The following HNRNPU variants were observed in gnomAD, a reference collection of about 807,000 sequenced individuals.
HNRNPU encodes the protein HNRNPU antisense RNA 1.
In HNRNPU, 5 loss-of-function variants were observed where a neutral mutation model predicts 94.7. The ratio of observed to expected loss-of-function variants is 0.05; its 90% CI spans 0.03 to 0.11. The LOEUF (loss-of-function observed/expected upper bound fraction) is 0.11, where lower values mean the gene tolerates loss of function less well. Among genes scored for constraint, HNRNPU ranks in the 10% least tolerant of loss-of-function variants. HNRNPU has a pLI of 1.00. For missense variants in HNRNPU, 710 were observed against 1,049.2 expected, an observed-to-expected ratio of 0.68 and a Z score of 4.47; for synonymous variants, 434 against 381.6, an observed-to-expected ratio of 1.14 and a Z score of -1.60.
chr1:244,864,272 C>T lies in HNRNPU; in HGVS notation c.36G>A (p.Lys12=), dbSNP rs1048126591. Residue 12 remains lysine (K), a synonymous_variant, in exon 1 of 14, where the codon AAG becomes AAA. Transcript: ENST00000640218. ...SSSPVNVKKL[K]VSELKEELKK... is the part of the protein sequence containing the mutation. The stretch of plus-strand genomic sequence containing the variant: ...TGAGCTCCTCTTTCAGCTCCGACAC[C>T]TTCAGCTTTTTTACATTAACAGGCG... The T allele has an allele frequency of 4.3e-6, 7 of 1,613,196 alleles. No homozygotes were observed. Among genetic ancestry groups the T allele is most frequent in the South Asian group, 1.1e-5 (1 of 91,086 alleles).
At chr1:244,859,005 T>TA in intron 5 of HNRNPU, 164 bp from the exon 6 acceptor site, 1 of 596,762 alleles carries the variant, frequency 1.7e-6, no homozygotes, top group South Asian at 2.2e-5. Flanking sequence ...TGATGGAAGT[T>TA]AGGAGGGATA....
Position 244,863,395 on chromosome 1 carries a change from G to GACACAC in HNRNPU, c.691+216_691+221dup, listed in dbSNP as rs1177980110. On this transcript the variant is annotated intron_variant, in intron 1 of 13. Coordinates refer to ENST00000640218, the MANE Select transcript of HNRNPU (RefSeq NM_031844.3). ...ACATAATGGAGGCGCTGCCACCGCCGACACACACACACACACACACACACA... is the reference window on the plus strand; with the variant it reads ...ACATAATGGAGGCGCTGCCACCGCCGACACACACACACACACACACACACACACACA... 1.4e-3 allele frequency among the ~76,000 whole-genome samples: 193 copies of GACACAC among 138,718 alleles called. No individual in the cohort carries two copies. In the East Asian group the frequency reaches 0.014, roughly 10 times the overall value. The allele number at this position is 138,718 out of a possible 152,430, so 91.0% of individuals were successfully genotyped here. A position where few individuals can be genotyped will look rare whatever the true frequency, so the allele number is the denominator to read the frequency against.
Position 244,864,539 on chromosome 1 carries a change from T to G in HNRNPU, c.-232A>C, listed in dbSNP as rs965097976. The G allele has an allele frequency of 1.7e-6, 1 of 602,242 alleles. No individual in the cohort carries two copies. Among genetic ancestry groups the G allele is most frequent in the Non-Finnish European group, 2.7e-6 (1 of 375,224 alleles). 37.3% of individuals were successfully genotyped at this position (602,242 alleles called of 1,614,324 possible). On this transcript the variant is annotated 5_prime_UTR_variant, in exon 1 of 14. Coordinates refer to ENST00000640218, the MANE Select transcript of HNRNPU (RefSeq NM_031844.3). ...GCCTGGCGCGAGCGAGCACGCAACG[T>G]CCTCTCGCAGGAGCGGCGCCGCGCA...
chr1:244,862,041 T>C (rs567518452), intron 3 of HNRNPU: 176 of 157,942 alleles, frequency 1.1e-3, no homozygotes, highest in African/African-American at 4.1e-3. Context: ...GGGAATATAC[T>C]TGTGTGCTAA....
Position 244,855,498 on chromosome 1 carries a change from G to A in HNRNPU, c.2278C>T (p.Pro760Ser). Reference protein sequence around the residue: ...GYPYPRAPVFPGRGSYSNRGN... With the variant: ...GYPYPRAPVFSGRGSYSNRGN... ...CTGTTTGAGTAACTACCACGGCCAGGAAAAACAGGGGCACGAGGGTATGGA... is the reference window on the plus strand; with the variant it reads ...CTGTTTGAGTAACTACCACGGCCAGAAAAAACAGGGGCACGAGGGTATGGA... Residue 760 changes from proline to serine, a missense_variant, in exon 12 of 14, where the codon CCT (proline) becomes TCT (serine). Physicochemically the swap from Pro to Ser is moderately conservative, Grantham distance 74. Transcript: ENST00000640218. The A allele has an allele frequency of 1.2e-6, 2 of 1,613,992 alleles. No homozygotes were observed. The highest frequency in any genetic ancestry group is 1.7e-6 in the Non-Finnish European group (2 of 1,179,968).
chr1:244,860,210 A>T lies in HNRNPU; in HGVS notation c.1017+125T>A, dbSNP rs752478943. On this transcript the variant is annotated intron_variant, in intron 4 of 13. Transcript: ENST00000640218. ...AGCTACTTGAGAGACTGAAGCAAGGAGAATCGCTTGAACCCAGGACGCGGA... is the reference window on the plus strand; with the variant it reads ...AGCTACTTGAGAGACTGAAGCAAGGTGAATCGCTTGAACCCAGGACGCGGA... The T allele has an allele frequency of 4.4e-6, 3 of 685,600 alleles. No individual in the cohort carries two copies. The South Asian group carries it at 5.9e-5, about 13-fold the overall frequency. 42.5% of individuals were successfully genotyped at this position (685,600 alleles called of 1,614,324 possible).
rs547343341 is a variant in HNRNPU at position 244,864,495 on chromosome 1, G to A, written c.-188C>T. On this transcript the variant is annotated 5_prime_UTR_variant, in exon 1 of 14. Transcript: ENST00000640218. ...CGCCAATTCCTTTCACCGAGTTCGC[G>A]AGGGAGACGCGGAGACTCGCCTGGC... 21 of 995,388 alleles carry A rather than the reference G, an allele frequency of 2.1e-5. No individual in the cohort carries two copies. Among genetic ancestry groups the A allele is most frequent in the African/African-American group, 1.0e-4 (6 of 58,062 alleles). The allele number at this position is 995,388 out of a possible 1,614,324, so 61.7% of individuals were successfully genotyped here.
chr1:244,858,895 C>T, intron 5 of HNRNPU, 54 bp from the exon 6 acceptor site: 4 of 846,152 alleles, frequency 4.7e-6, no homozygotes, highest in Non-Finnish European at 7.8e-6. Context: ...TCCAAAGACT[C>T]ATCTATTTTA....
chr1:244,862,414 A>T, intron 3 of HNRNPU, 47 bp downstream of exon 3: 1 of 1,298,124 alleles, frequency 7.7e-7, no homozygotes, highest in East Asian at 2.3e-5. Flanking sequence ...AAAAAAAAAA[A>T]CCACCATCAC....
rs1045032450 is a variant in HNRNPU at position 244,864,487 on chromosome 1, G to A, written c.-180C>T. ...TCGAACGGCGCCAATTCCTTTCACCGAGTTCGCGAGGGAGACGCGGAGACT... is the reference window on the plus strand; with the variant it reads ...TCGAACGGCGCCAATTCCTTTCACCAAGTTCGCGAGGGAGACGCGGAGACT... On this transcript the variant is annotated 5_prime_UTR_variant, in exon 1 of 14. Coordinates refer to ENST00000640218, the MANE Select transcript of HNRNPU (RefSeq NM_031844.3). The A allele has an allele frequency of 8.5e-6, 9 of 1,058,612 alleles. No homozygotes were observed. The highest frequency in any genetic ancestry group is 2.9e-5 in the East Asian group (1 of 34,342). The allele number at this position is 1,058,612 out of a possible 1,614,324, so 65.6% of individuals were successfully genotyped here.
chr1:244,856,291 T>C (rs1445128349), intron 10 of HNRNPU, 133 bp from the exon 11 acceptor site: 2 of 1,139,910 alleles, frequency 1.8e-6, no homozygotes, highest in Non-Finnish European at 2.5e-6. Context: ...TATGCATATG[T>C]AACAACTGCA....
intron 8 of HNRNPU, 110 bp downstream of exon 8, chr1:244,857,488 C>T (rs1310994942): frequency 3.7e-6 from 4 of 1,089,710 alleles, no homozygotes; most frequent in East Asian, 2.5e-5. Context: ...CTCAGGTGAT[C>T]CATCCACCTC....
In HNRNPU at chr1:244,855,620, G is replaced by A. The variant is rs200427582; in HGVS notation, c.2168-12C>T. On this transcript the variant is annotated splice_polypyrimidine_tract_variant and intron_variant, in intron 11 of 13. Transcript: ENST00000640218. ...ACGATTCCCAGGGGCTAAAAGACAA[G>A]AGCTGTTTTAGTTTCATTGTATATT... is the stretch of plus-strand genomic sequence containing the variant. 5.0e-6 allele frequency: 8 copies of A among 1,613,362 alleles called. No homozygotes were observed. Among genetic ancestry groups the A allele is most frequent in the African/African-American group, 1.3e-5 (1 of 74,852 alleles).
At position 244,862,741 on chromosome 1, in the gene HNRNPU, C is replaced by G. The variant is rs1400871318; in HGVS notation, c.692-11G>C. 1 of 1,599,866 alleles carries G rather than the reference C, an allele frequency of 6.3e-7. No homozygotes were observed. The highest frequency in any genetic ancestry group is 8.6e-7 in the Non-Finnish European group (1 of 1,167,154). ...CTGTTTTGCCGTCCCCTAAAACACA[C>G]ACGAGCCCCATAAAGGCCAAGCCTC... is the stretch of plus-strand genomic sequence containing the variant. On this transcript the variant is annotated splice_polypyrimidine_tract_variant and intron_variant, in intron 1 of 13. Coordinates refer to ENST00000640218, the MANE Select transcript of HNRNPU (RefSeq NM_031844.3).
chr1:244,860,314 A>G, intron 4 of HNRNPU, 21 bp downstream of exon 4: 2 of 1,602,946 alleles, frequency 1.2e-6, no homozygotes, highest in Non-Finnish European at 1.7e-6. Flanking sequence ...ACAAACAAAC[A>G]AATCATAAAA....
chr1:244,863,820 G>T lies in HNRNPU; in HGVS notation c.488C>A (p.Pro163His). 6.2e-7 allele frequency: 1 copy of T among 1,609,284 alleles called. No homozygotes were observed. The highest frequency in any genetic ancestry group is 8.5e-7 in the Non-Finnish European group (1 of 1,178,348). ...TTGCTGCTGCGTCGCCGGCGGTTGA[G>T]GCTGCTGCTCCCCGTGCCCGTTCTC... is the stretch of plus-strand genomic sequence containing the variant. ...GDENGHGEQQPQPPATQQQQP... is the reference protein window; with the variant it reads ...GDENGHGEQQHQPPATQQQQP... The change falls in exon 1 of 14, where the codon CCT becomes CAT. Residue 163 changes from proline (P) to histidine (H), a missense_variant. This residue lies in a region of HNRNPU where 292 missense variants were observed against 293.4 expected (regional missense o/e 1.00). Transcript: ENST00000640218.
At position 244,856,169 on chromosome 1, in the gene HNRNPU, CA is replaced by C. The variant is rs757929708; in HGVS notation, c.1913-12del. 5 of 1,594,646 alleles carry C rather than the reference CA, an allele frequency of 3.1e-6. No homozygotes were observed. The South Asian group carries it at 4.6e-5, about 15-fold the overall frequency. On this transcript the variant is annotated splice_polypyrimidine_tract_variant and intron_variant, in intron 10 of 13. Transcript: ENST00000640218. Reference sequence around the variant, plus strand: ...GGAGGGTAAAGTTTCCTGCAGGAAACAAAGTCATATTATTAATTTAGAAACC... The same window carrying C: ...GGAGGGTAAAGTTTCCTGCAGGAAACAAGTCATATTATTAATTTAGAAACC...
intron 8 of HNRNPU, 104 bp from the exon 9 acceptor site, chr1:244,856,960 A>G: frequency 1.1e-6 from 1 of 924,170 alleles, no homozygotes; most frequent in South Asian, 1.7e-5. Flanking sequence ...AACATTTTAT[A>G]ATTTAAATAT....
intron 1 of HNRNPU, 38 bp downstream of exon 1, chr1:244,863,579 G>A: frequency 7.2e-7 from 1 of 1,383,326 alleles, no homozygotes; most frequent in Non-Finnish European, 9.3e-7. Flanking sequence ...ACCCCGCGCG[G>A]GCCTCCCGCC....
Sources: gnomAD v4.1 joint callset for allele counts (sites outside exome capture counted in the v4.1 genomes callset) on GRCh38, gnomAD v4.1.1 for gene constraint, gnomAD v4.1.1 regional missense constraint, MANE v1.5 for transcripts, NCBI Gene and HGNC (gene_info 2026-07-23, HGNC 2026-07-21) for gene names.